BNC2: variants seen among roughly 807,000 people sequenced by gnomAD.
BNC2 encodes zinc finger protein basonuclin-2.
In BNC2, 20 loss-of-function variants were observed where a neutral mutation model predicts 76.3. That is an observed-to-expected ratio of 0.26 (90% CI 0.18 to 0.38). The LOEUF (loss-of-function observed/expected upper bound fraction) is 0.38. Among genes scored for constraint, BNC2 ranks in the 10% least tolerant of loss-of-function variants. BNC2 has a pLI of 1.00. For synonymous variants in BNC2, 582 were observed against 514.8 expected, an observed-to-expected ratio of 1.13 and a Z score of -1.77; for missense variants, 1,382 against 1,399.8, an observed-to-expected ratio of 0.99 and a Z score of 0.20.
At chr9:16,438,529 C>G (rs183514463) in intron 5 of BNC2, among the ~76,000 whole-genome samples, 4 of 152,198 alleles carry the variant, frequency 2.6e-5, no homozygotes, top group Non-Finnish European at 4.4e-5. Flanking sequence ...AATGTAATGT[C>G]AGGCGATCCA....
Position 16,412,468 on chromosome 9 carries a change from C to T in BNC2, c.*6521G>A, listed in dbSNP as rs1311917110. The T allele has an allele frequency of 6.6e-6, 1 of 152,412 alleles. No homozygotes were observed. The highest frequency in any genetic ancestry group is 1.5e-5 in the Non-Finnish European group (1 of 68,018). The allele number at this position is 152,412 out of a possible 1,614,324, so 9.4% of individuals were successfully genotyped here. A position where few individuals can be genotyped will look rare whatever the true frequency, so the allele number is the denominator to read the frequency against. On this transcript the variant is annotated 3_prime_UTR_variant, in exon 7 of 7. Transcript: ENST00000380672. ...TGCCACTGACTTGCAGGAAAATTTG[C>T]TCTAATTATAGGGCCACACCCATTA...
chr9:16,504,052 T>A (rs1448729696), intron 5 of BNC2, among the ~76,000 whole-genome samples: 2 of 152,078 alleles, frequency 1.3e-5, no homozygotes, highest in African/African-American at 4.8e-5. Flanking sequence ...CAAGTCGGAA[T>A]CCATATGGCA....
chr9:16,693,458 T>A (rs950455128), intron 3 of BNC2, among the ~76,000 whole-genome samples: 1 of 152,036 alleles, frequency 6.6e-6, no homozygotes, highest in Non-Finnish European at 1.5e-5. Context: ...CTGAAACTCA[T>A]TTGCATGCCC....
intron 3 of BNC2, among the ~76,000 whole-genome samples, chr9:16,650,776 CA>C (rs1821772300): frequency 6.6e-6 from 1 of 151,982 alleles, no homozygotes; most frequent in African/African-American, 2.4e-5. Flanking sequence ...TTCCAGGTAG[CA>C]AAAAAATTAT....
chr9:16,609,258 G>T (rs907429835), intron 3 of BNC2, among the ~76,000 whole-genome samples: 1 of 152,126 alleles, frequency 6.6e-6, no homozygotes, highest in African/African-American at 2.4e-5. Context: ...GCTGGGGATT[G>T]TATACATAGT....
At chr9:16,696,550 A>G (rs1209038623) in intron 3 of BNC2, among the ~76,000 whole-genome samples, 1 of 152,230 alleles carries the variant, frequency 6.6e-6, no homozygotes, top group African/African-American at 2.4e-5. Flanking sequence ...TCTAAGCACC[A>G]CATGACCTTG....
intron 1 of BNC2, among the ~76,000 whole-genome samples, chr9:16,839,677 G>T (rs1818783000): frequency 6.6e-6 from 1 of 152,148 alleles, no homozygotes; most frequent in Admixed American, 6.5e-5. Context: ...CAGCTCTATA[G>T]CACGTAATTC....
At chr9:16,782,659 A>T (rs532872297) in intron 1 of BNC2, among the ~76,000 whole-genome samples, 5 of 152,092 alleles carry the variant, frequency 3.3e-5, no homozygotes, top group African/African-American at 1.2e-4. Context: ...CACCACTCAC[A>T]TATGTGCCGA....
At chr9:16,777,105 G>A (rs1048739933) in intron 1 of BNC2, among the ~76,000 whole-genome samples, 23 of 151,964 alleles carry the variant, frequency 1.5e-4, no homozygotes, top group African/African-American at 4.8e-4. Context: ...CAGCCTGGGC[G>A]ACAGAGTGAG....
At chr9:16,420,715 A>C (rs1820693661) in intron 6 of BNC2, among the ~76,000 whole-genome samples, 1 of 151,686 alleles carries the variant, frequency 6.6e-6, no homozygotes, top group South Asian at 2.1e-4. Context: ...ACATATATAT[A>C]TATAAAGACA....
At chr9:16,781,107 G>A (rs940962935) in intron 1 of BNC2, among the ~76,000 whole-genome samples, 48 of 151,862 alleles carry the variant, frequency 3.2e-4, no homozygotes, top group African/African-American at 1.1e-3. Flanking sequence ...GGATCTAATT[G>A]TTTCATGTTT....
At chr9:16,861,550 G>A (rs548373640) in intron 1 of BNC2, among the ~76,000 whole-genome samples, 2 of 152,036 alleles carry the variant, frequency 1.3e-5, no homozygotes, top group Non-Finnish European at 2.9e-5. Context: ...ATACACAAAT[G>A]GCCAATAAAG....
chr9:16,665,161 G>A (rs1000276792), intron 3 of BNC2: 2 of 433,698 alleles, frequency 4.6e-6, no homozygotes, highest in African/African-American at 4.1e-5. Flanking sequence ...CTGAGGTCAG[G>A]AGTTTGAGAC....
intron 3 of BNC2, among the ~76,000 whole-genome samples, chr9:16,700,822 C>G (rs967411859): frequency 2.0e-5 from 3 of 152,092 alleles, no homozygotes; most frequent in African/African-American, 7.2e-5. Flanking sequence ...AAAAAATTAA[C>G]TGAGCGTGGT....
intron 1 of BNC2, among the ~76,000 whole-genome samples, chr9:16,831,235 C>G (rs1008727847): frequency 1.3e-5 from 2 of 152,198 alleles, no homozygotes; most frequent in Middle Eastern, 3.2e-3. Flanking sequence ...AAGGGGCTAA[C>G]AGATTTCCAA....
chr9:16,637,119 C>T (rs1000172147), intron 3 of BNC2, among the ~76,000 whole-genome samples: 7 of 151,600 alleles, frequency 4.6e-5, no homozygotes, highest in African/African-American at 7.3e-5. Flanking sequence ...TCTTCTTTTC[C>T]TACCATACCC....
chr9:16,739,055 C>T (rs1006533781), intron 1 of BNC2, among the ~76,000 whole-genome samples: 1 of 151,472 alleles, frequency 6.6e-6, no homozygotes, highest in Non-Finnish European at 1.5e-5. Flanking sequence ...GCTTCTACAC[C>T]GAGGCACTCT....
intron 1 of BNC2, among the ~76,000 whole-genome samples, chr9:16,761,015 G>T (rs1825536891): frequency 6.6e-6 from 1 of 152,106 alleles, no homozygotes; most frequent in African/African-American, 2.4e-5. Context: ...GGCTAAGGCA[G>T]GAGGATTGTT....
intron 5 of BNC2, among the ~76,000 whole-genome samples, chr9:16,538,585 A>C (rs1587144303): frequency 6.6e-6 from 1 of 152,220 alleles, no homozygotes; most frequent in East Asian, 1.9e-4. Flanking sequence ...TTGTCGAAAC[A>C]TTTTAAGGAA....
Sources: gnomAD v4.1 joint callset for allele counts (sites outside exome capture counted in the v4.1 genomes callset) on GRCh38, gnomAD v4.1.1 for gene constraint, MANE v1.5 for transcripts, NCBI Gene and HGNC (gene_info 2026-07-23, HGNC 2026-07-21) for gene names.